Variants in CHD1 observed in about 807,000 individuals in gnomAD.
CHD1 encodes ATP-dependent chromatin remodeler CHD1.
CHD1 carries 36 observed loss-of-function variants against 224.2 expected under a neutral mutation model. The observed-to-expected ratio is 0.16, with a 90% CI of 0.12 to 0.21. The LOEUF is 0.21. CHD1 is among the 10% of genes least tolerant of loss of function. The pLI is 1.00. For synonymous variants in CHD1, 668 were observed against 658.3 expected (o/e 1.01, Z -0.23); for missense variants, 1,378 against 1,994.8 (o/e 0.69, Z 5.89).
chr5:98,926,288 T>G, intron 2 of CHD1, 46 bp downstream of exon 2: 10 of 1,188,180 alleles, frequency 8.4e-6, no homozygotes, highest in Non-Finnish European at 1.1e-5. Context: ...AGTCAAGTTT[T>G]CAACTCTCTT....
At chr5:98,865,092 T>C (rs1748758937) in intron 31 of CHD1, among the ~76,000 whole-genome samples, 2 of 152,324 alleles carry the variant, frequency 1.3e-5, no homozygotes, top group South Asian at 4.1e-4. Flanking sequence ...GGGAGCTTCC[T>C]ATCTTATCAT....
intron 23 of CHD1, among the ~76,000 whole-genome samples, chr5:98,876,841 G>A (rs191706629): frequency 2.0e-5 from 3 of 152,248 alleles, no homozygotes; most frequent in Non-Finnish European, 4.4e-5. Context: ...GAACTGTGAA[G>A]AAACATTGAT....
At chr5:98,927,810 T>C (rs1233752943) in intron 1 of CHD1, among the ~76,000 whole-genome samples, 2 of 152,132 alleles carry the variant, frequency 1.3e-5, no homozygotes, top group African/African-American at 4.8e-5. Flanking sequence ...TTTAACTTCC[T>C]TTCCCCTCCA....
chr5:98,878,075 G>T (rs1749895124), intron 23 of CHD1, among the ~76,000 whole-genome samples: 1 of 152,202 alleles, frequency 6.6e-6, no homozygotes, highest in Admixed American at 6.5e-5. Flanking sequence ...GGTAAGAGGA[G>T]ATCAGCTAAA....
intron 25 of CHD1, among the ~76,000 whole-genome samples, chr5:98,874,516 A>G (rs1315349911): frequency 6.9e-6 from 1 of 144,264 alleles, no homozygotes; most frequent in African/African-American, 2.6e-5. Flanking sequence ...CCTGGCCAAT[A>G]TGGTGAAACC....
chr5:98,910,353 G>A (rs1752311739), intron 2 of CHD1, among the ~76,000 whole-genome samples: 1 of 152,036 alleles, frequency 6.6e-6, no homozygotes, highest in Non-Finnish European at 1.5e-5. Context: ...TTGTTTTCAG[G>A]AATACTCACT....
intron 26 of CHD1, among the ~76,000 whole-genome samples, chr5:98,872,984 G>A (rs2112329736): frequency 6.6e-6 from 1 of 152,058 alleles, no homozygotes; most frequent in Non-Finnish European, 1.5e-5. Flanking sequence ...ATCACACCCT[G>A]CTAATTTTTA....
intron 2 of CHD1, among the ~76,000 whole-genome samples, chr5:98,911,538 T>G (rs1201482415): frequency 6.6e-6 from 1 of 152,184 alleles, no homozygotes; most frequent in Non-Finnish European, 1.5e-5. Flanking sequence ...AAATTGCTTC[T>G]TAGCTGTAAC....
chr5:98,877,954 C>T (rs1228938991), intron 23 of CHD1, among the ~76,000 whole-genome samples: 1 of 152,068 alleles, frequency 6.6e-6, no homozygotes, highest in Non-Finnish European at 1.5e-5. Context: ...CGGCAACCTA[C>T]ACATCTAAAT....
intron 25 of CHD1, among the ~76,000 whole-genome samples, 164 bp from the exon 26 acceptor site, chr5:98,873,887 G>A (rs1399497930): frequency 1.3e-5 from 2 of 152,072 alleles, no homozygotes; most frequent in African/African-American, 4.8e-5. Flanking sequence ...AGGACAATGT[G>A]GTAGACAAAC....
intron 30 of CHD1, chr5:98,869,320 T>G (rs965149071): frequency 2.1e-6 from 2 of 955,608 alleles, no homozygotes; most frequent in Non-Finnish European, 2.5e-6. Flanking sequence ...AACCAAATTT[T>G]AACAACGACT....
intron 35 of CHD1, 46 bp downstream of exon 35, chr5:98,858,134 G>A: frequency 2.0e-6 from 3 of 1,498,548 alleles, no homozygotes; most frequent in Non-Finnish European, 2.8e-6. Context: ...ATGATAAGGA[G>A]AAAAACATGC....
At chr5:98,921,231 G>A (rs1036320608) in intron 2 of CHD1, among the ~76,000 whole-genome samples, 1 of 152,196 alleles carries the variant, frequency 6.6e-6, no homozygotes, top group African/African-American at 2.4e-5. Flanking sequence ...ACAATCATCA[G>A]TTGCCATTGT....
chr5:98,879,403 TCTCAA>T (rs1014285901), intron 23 of CHD1, 144 bp downstream of exon 23: 97 of 566,744 alleles, frequency 1.7e-4, no homozygotes, highest in Admixed American at 1.1e-3. Context: ...AAGAAACACT[TCTCAA>T]CTCATTTCAT....
intron 15 of CHD1, among the ~76,000 whole-genome samples, chr5:98,891,057 T>C (rs1750990496): frequency 6.6e-6 from 1 of 152,152 alleles, no homozygotes; most frequent in Admixed American, 6.6e-5. Context: ...ATTTCCTAAA[T>C]TGTGAAAATT....
intron 16 of CHD1, among the ~76,000 whole-genome samples, chr5:98,888,495 G>T (rs990593601): frequency 2.6e-5 from 4 of 152,168 alleles, no homozygotes; most frequent in African/African-American, 9.6e-5. Flanking sequence ...CACTCTGTTT[G>T]CTAGTTACTA....
At chr5:98,913,742 G>A (rs1360127745) in intron 2 of CHD1, among the ~76,000 whole-genome samples, 2 of 151,996 alleles carry the variant, frequency 1.3e-5, no homozygotes, top group Non-Finnish European at 2.9e-5. Context: ...GGTGCTATGT[G>A]CCAGATATTA....
chr5:98,900,728 A>G (rs964552679), intron 7 of CHD1, 83 bp downstream of exon 7: 1 of 1,227,898 alleles, frequency 8.1e-7, no homozygotes, highest in Non-Finnish European at 1.1e-6. Context: ...CTGGGATTAC[A>G]GGGGCGACCC....
At chr5:98,892,431 T>C (rs1235430346) in intron 15 of CHD1, 94 bp downstream of exon 15, 1 of 818,500 alleles carries the variant, frequency 1.2e-6, no homozygotes, top group South Asian at 2.2e-5. Flanking sequence ...TCTAAGACAC[T>C]ATTGTAGAGA....
Sources: gnomAD v4.1 joint callset for allele counts (sites outside exome capture counted in the v4.1 genomes callset) on GRCh38, gnomAD v4.1.1 for gene constraint, MANE v1.5 for transcripts, NCBI Gene and HGNC (gene_info 2026-07-23, HGNC 2026-07-21) for gene names.